THADA: variants seen among roughly 807,000 people sequenced by gnomAD.
THADA encodes the protein tRNA (32-2'-O)-methyltransferase regulator THADA.
In THADA, 213 loss-of-function variants were observed where a neutral mutation model predicts 219.8. That is an observed-to-expected ratio of 0.97 (90% CI 0.87 to 1.09). The LOEUF (loss-of-function observed/expected upper bound fraction) is 1.09. THADA is among the 50% of genes least tolerant of loss of function. The probability of loss-of-function intolerance (pLI) is 0.00; values close to 1 mark genes in which losing one functional copy is unlikely to be tolerated. For synonymous variants in THADA, 1,018 were observed against 828.9 expected (o/e 1.23, Z -3.92); for missense variants, 2,956 against 2,311.3 (o/e 1.28, Z -5.72).
chr2:43,579,260 C>T (rs1574347619), intron 8 of THADA, among the ~76,000 whole-genome samples: 1 of 152,292 alleles, frequency 6.6e-6, no homozygotes, highest in Admixed American at 6.5e-5. Flanking sequence ...ACCACCTGTC[C>T]CCTCCCCTCC....
chr2:43,584,150 G>C (rs1007393521), intron 7 of THADA, among the ~76,000 whole-genome samples: 1 of 151,704 alleles, frequency 6.6e-6, no homozygotes, highest in Non-Finnish European at 1.5e-5. Flanking sequence ...AAAAAGACAG[G>C]AAGTAGAATA....
chr2:43,517,445 A>G (rs947385766), intron 22 of THADA, among the ~76,000 whole-genome samples: 1 of 152,156 alleles, frequency 6.6e-6, no homozygotes, highest in African/African-American at 2.4e-5. Flanking sequence ...GCCTCTGCCA[A>G]TATCTTTATT....
chr2:43,309,654 A>C (rs542028550), intron 31 of THADA, among the ~76,000 whole-genome samples: 1 of 152,320 alleles, frequency 6.6e-6, no homozygotes, highest in East Asian at 1.9e-4. Context: ...CTCCAACCTG[A>C]CAAAAGGCAT....
In THADA at chr2:43,442,398, T is replaced by C. The variant is rs562184491; in HGVS notation, c.3837-12096A>G. On this transcript the variant is annotated intron_variant, in intron 26 of 37. Transcript: ENST00000405975. ...TTGCAGTGAGCCAAGATCACACCAC[T>C]GCACTCCAGCCTGGGTGAGCGACAG... Among the ~76,000 whole-genome samples the C allele has an allele frequency of 2.0e-5, 3 of 152,158 alleles. No homozygotes were observed. In the East Asian group the frequency reaches 5.8e-4, roughly 29 times the overall value.
chr2:43,574,605 TCTCCCATCAC>T lies in THADA; in HGVS notation c.1450_1459del (p.Val484ThrfsTer23). 1 of 1,614,012 alleles carries T rather than the reference TCTCCCATCAC, an allele frequency of 6.2e-7. No individual in the cohort carries two copies. The highest frequency in any genetic ancestry group is 2.2e-5 in the East Asian group (1 of 44,880). ...ACTTGCATAAGGTACCAATGACTGG[TCTCCCATCAC>T]CTCTAAGATTTGAGATGGAATAGTT... On this transcript the variant is annotated frameshift_variant, in exon 11 of 38. Coordinates refer to ENST00000405975, the MANE Select transcript of THADA (RefSeq NM_022065.5). LOFTEE classifies it high-confidence loss of function.
At chr2:43,573,269 CCT>C (rs1699495299) in intron 11 of THADA, among the ~76,000 whole-genome samples, 2 of 152,078 alleles carry the variant, frequency 1.3e-5, no homozygotes, top group African/African-American at 2.4e-5. Flanking sequence ...TTCCCTAACA[CCT>C]AGAAAGGGAA....
chr2:43,420,220 C>G (rs1254881960), intron 28 of THADA, among the ~76,000 whole-genome samples: 2 of 152,234 alleles, frequency 1.3e-5, no homozygotes, highest in Non-Finnish European at 1.5e-5. Context: ...TCTTCCCCTT[C>G]TTTGTAGGCC....
intron 21 of THADA, among the ~76,000 whole-genome samples, chr2:43,540,749 T>A (rs1207268890): frequency 6.6e-6 from 1 of 152,338 alleles, no homozygotes; most frequent in East Asian, 1.9e-4. Flanking sequence ...ACAACTTTAT[T>A]ATCAATGCAG....
intron 29 of THADA, among the ~76,000 whole-genome samples, chr2:43,376,655 A>G (rs2104640128): frequency 6.6e-6 from 1 of 152,316 alleles, no homozygotes; most frequent in South Asian, 2.1e-4. Flanking sequence ...AATGTCAGTA[A>G]TGACTGACAT....
At chr2:43,305,968 C>T (rs1676811290) in intron 31 of THADA, among the ~76,000 whole-genome samples, 1 of 144,424 alleles carries the variant, frequency 6.9e-6, no homozygotes, top group African/African-American at 2.5e-5. Flanking sequence ...CTCCCTCCCT[C>T]CCTTCTCTCT....
Position 43,566,739 on chromosome 2 carries a change from G to A in THADA, c.2270C>T (p.Thr757Ile). The A allele has an allele frequency of 1.3e-6, 2 of 1,593,202 alleles. No homozygotes were observed. The highest frequency in any genetic ancestry group is 2.7e-5 in the African/African-American group (2 of 73,572). The change falls in exon 15 of 38, where the codon ACC becomes ATC. Residue 757 changes from threonine to isoleucine, a missense_variant. Transcript: ENST00000405975. ...AACTTCAGCTATTGAACCTAAAATGGTTAAAGCTGAAAATCTAGTCGAGTA... is the reference window on the plus strand; with the variant it reads ...AACTTCAGCTATTGAACCTAAAATGATTAAAGCTGAAAATCTAGTCGAGTA... The part of the protein sequence containing the change: ...SSYSTRFSAL[T>I]ILGSIAEVFH...
At chr2:43,531,342 T>G (rs901098399) in intron 21 of THADA, among the ~76,000 whole-genome samples, 1 of 152,208 alleles carries the variant, frequency 6.6e-6, no homozygotes, top group Non-Finnish European at 1.5e-5. Flanking sequence ...ACTAAATAAG[T>G]GCGTGCCAGC....
intron 25 of THADA, chr2:43,491,986 T>C (rs1042767472): frequency 6.6e-6 from 1 of 152,138 alleles, no homozygotes; most frequent in African/African-American, 2.4e-5. Context: ...CTTTCCTTTC[T>C]TGCATGAAAA....
At chr2:43,589,556 T>C (rs372753512) in intron 4 of THADA, among the ~76,000 whole-genome samples, 1 of 152,256 alleles carries the variant, frequency 6.6e-6, no homozygotes, top group South Asian at 2.1e-4. Context: ...CACTTAACAA[T>C]AGCGAACTAT....
intron 25 of THADA, among the ~76,000 whole-genome samples, chr2:43,492,611 T>C (rs1289057058): frequency 6.6e-6 from 1 of 152,146 alleles, no homozygotes; most frequent in African/African-American, 2.4e-5. Context: ...CTTGTGTACG[T>C]GGTAGCAGAA....
intron 29 of THADA, among the ~76,000 whole-genome samples, chr2:43,373,030 C>A (rs1670986820): frequency 6.6e-6 from 1 of 151,826 alleles, no homozygotes; most frequent in South Asian, 2.1e-4. Context: ...GGAATACCCC[C>A]CCAAAAAACT....
intron 25 of THADA, among the ~76,000 whole-genome samples, chr2:43,497,914 T>C (rs1029672698): frequency 2.0e-5 from 3 of 151,664 alleles, no homozygotes; most frequent in Non-Finnish European, 4.4e-5. Flanking sequence ...AACAAAAAAC[T>C]AGATGACAGG....
chr2:43,280,978 G>T (rs1237960039), intron 35 of THADA, among the ~76,000 whole-genome samples: 4 of 152,210 alleles, frequency 2.6e-5, no homozygotes, highest in Non-Finnish European at 5.9e-5. Flanking sequence ...GGTGAGCATG[G>T]CCTCCCAGAA....
At chr2:43,392,315 C>CA (rs1673486046) in intron 29 of THADA, among the ~76,000 whole-genome samples, 1 of 152,106 alleles carries the variant, frequency 6.6e-6, no homozygotes, top group South Asian at 2.1e-4. Flanking sequence ...GTAATATTAA[C>CA]AGAAATATAT....
Sources: gnomAD v4.1 joint callset for allele counts (sites outside exome capture counted in the v4.1 genomes callset) on GRCh38, gnomAD v4.1.1 for gene constraint, MANE v1.5 for transcripts, NCBI Gene and HGNC (gene_info 2026-07-23, HGNC 2026-07-21) for gene names.